KPNA1: variants seen among roughly 807,000 people sequenced by gnomAD.
KPNA1 encodes importin subunit alpha-5.
In KPNA1, 10 loss-of-function variants were observed where a neutral mutation model predicts 70.5. The ratio of observed to expected loss-of-function variants is 0.14; its 90% CI spans 0.09 to 0.24. KPNA1 has a LOEUF of 0.24. KPNA1 is among the 10% of genes least tolerant of loss of function. The probability of loss-of-function intolerance (pLI) is 1.00; values close to 1 mark genes in which losing one functional copy is unlikely to be tolerated. For synonymous variants in KPNA1, 192 were observed against 221.9 expected (o/e 0.87, Z 1.20); for missense variants, 397 against 637.9 (o/e 0.62, Z 4.07).
At position 122,493,476 on chromosome 3, in the gene KPNA1, T is replaced by C. The variant is rs561556648; in HGVS notation, c.129+2961A>G. Among the ~76,000 whole-genome samples, 27 of 152,120 alleles carry C rather than the reference T, an allele frequency of 1.8e-4. No individual in the cohort carries two copies. In the South Asian group the frequency reaches 4.8e-3, roughly 27 times the overall value. On this transcript the variant is annotated intron_variant, in intron 2 of 13. Transcript: ENST00000344337. ...AAACCTAAGAGCCTATGGAGGGATA[T>C]ACTGTTGAGAAGCAAGCCCACAAAC...
At chr3:122,508,784 T>C (rs2076919646) in intron 1 of KPNA1, among the ~76,000 whole-genome samples, 1 of 152,136 alleles carries the variant, frequency 6.6e-6, no homozygotes, top group Non-Finnish European at 1.5e-5. Context: ...TCCAATTCAG[T>C]TTTTGGCACT....
intron 2 of KPNA1, among the ~76,000 whole-genome samples, chr3:122,489,382 T>TGGGCTCAAGCCATCCTCCC (rs1398613140): frequency 2.4e-4 from 37 of 152,052 alleles, no homozygotes; most frequent in African/African-American, 8.7e-4. Flanking sequence ...CTCAAACTCC[T>TGGGCTCAAGCCATCCTCCC]GGGCTCAAGC....
intron 2 of KPNA1, among the ~76,000 whole-genome samples, chr3:122,492,071 A>G (rs1223083180): frequency 6.6e-6 from 1 of 151,736 alleles, no homozygotes; most frequent in Non-Finnish European, 1.5e-5. Flanking sequence ...CGTGTTAGCC[A>G]GGATGGTCTC....
intron 12 of KPNA1, among the ~76,000 whole-genome samples, chr3:122,429,083 T>G (rs2107714022): frequency 6.6e-6 from 1 of 152,278 alleles, no homozygotes; most frequent in South Asian, 2.1e-4. Flanking sequence ...AATGAATCAA[T>G]GTAATCAACT....
At chr3:122,483,334 A>G (rs10049133) in intron 2 of KPNA1, 78,684 of 154,008 alleles carry the variant, frequency 0.51, 20,576 homozygotes, top group East Asian at 0.65. Flanking sequence ...TGGTTTTTTC[A>G]TTGTTGTTGT....
At chr3:122,491,424 T>C (rs1576337827) in intron 2 of KPNA1, among the ~76,000 whole-genome samples, 1 of 152,218 alleles carries the variant, frequency 6.6e-6, no homozygotes, top group East Asian at 1.9e-4. Context: ...ACAACCACTT[T>C]CAAGATATGT....
At chr3:122,491,850 ATTTTTTTTT>A (rs67916227) in intron 2 of KPNA1, among the ~76,000 whole-genome samples, 7 of 64,826 alleles carry the variant, frequency 1.1e-4, no homozygotes, top group Admixed American at 2.7e-4. Flanking sequence ...TGACCATCAC[ATTTTTTTTT>A]TTTTTTTTTT....
intron 1 of KPNA1, among the ~76,000 whole-genome samples, chr3:122,501,253 T>G (rs751146537): frequency 9.2e-5 from 14 of 152,088 alleles, no homozygotes; most frequent in African/African-American, 2.9e-4. Context: ...GGTCAACTCC[T>G]GACCTCAAGT....
At position 122,453,884 on chromosome 3, in the gene KPNA1, C is replaced by G. The variant is rs1417215460; in HGVS notation, c.550G>C (p.Asp184His). 1 of 1,605,344 alleles carries G rather than the reference C, an allele frequency of 6.2e-7. No homozygotes were observed. Among genetic ancestry groups the G allele is most frequent in the South Asian group, 1.1e-5 (1 of 89,174 alleles). Residue 184 changes from aspartate to histidine, a missense_variant, in exon 6 of 14, where the codon GAT becomes CAT. Physicochemically the swap from Asp to His is moderately conservative, Grantham distance 81. Transcript: ENST00000344337. ...TTCATTTTTACCTGTTCCTGGACATCTTCAAACTCTGAGCTGAGCAACTCT... is the reference window on the plus strand; with the variant it reads ...TTCATTTTTACCTGTTCCTGGACATGTTCAAACTCTGAGCTGAGCAACTCT... ...FIELLSSEFE[D>H]VQEQAVWALG...
At chr3:122,467,578 A>G in intron 2 of KPNA1, 149 bp from the exon 3 acceptor site, 1 of 513,418 alleles carries the variant, frequency 1.9e-6, no homozygotes. Flanking sequence ...ATGAGTAACC[A>G]TTTCAGATTT....
intron 2 of KPNA1, among the ~76,000 whole-genome samples, chr3:122,491,026 C>T (rs181829888): frequency 2.9e-4 from 44 of 152,266 alleles, no homozygotes; most frequent in Middle Eastern, 3.4e-3. Context: ...TATAAACTAG[C>T]AGAGGAAATT....
At chr3:122,509,808 TTC>T (rs1358789533) in intron 1 of KPNA1, among the ~76,000 whole-genome samples, 2 of 152,178 alleles carry the variant, frequency 1.3e-5, no homozygotes, top group Non-Finnish European at 1.5e-5. Context: ...CATTCTAAAA[TTC>T]TTTTTGCCTA....
At chr3:122,504,237 C>A (rs1374444055) in intron 1 of KPNA1, among the ~76,000 whole-genome samples, 1 of 152,164 alleles carries the variant, frequency 6.6e-6, no homozygotes, top group African/African-American at 2.4e-5. Context: ...GCTGGAAAGT[C>A]CAAATCAAGA....
At chr3:122,466,143 C>T (rs2076377741) in intron 3 of KPNA1, among the ~76,000 whole-genome samples, 1 of 151,898 alleles carries the variant, frequency 6.6e-6, no homozygotes, top group South Asian at 2.1e-4. Context: ...ATAATACTAC[C>T]CTCCCAACTC....
chr3:122,494,623 T>C (rs1365808752), intron 2 of KPNA1, among the ~76,000 whole-genome samples: 1 of 152,212 alleles, frequency 6.6e-6, no homozygotes, highest in Non-Finnish European at 1.5e-5. Context: ...GGCTCTTTTT[T>C]GGTTCTGTAT....
intron 6 of KPNA1, among the ~76,000 whole-genome samples, chr3:122,452,500 C>CGGAAGGAGGGAAGGAGGGAAGGAG (rs1165575071): frequency 1.2e-5 from 1 of 86,258 alleles, no homozygotes; most frequent in African/African-American, 4.9e-5. Context: ...CAGGGACAGA[C>CGGAAGGAGGGAAGGAGGGAAGGAG]GGAAGGAGGG....
chr3:122,466,818 C>A (rs888088216), intron 3 of KPNA1, among the ~76,000 whole-genome samples: 5 of 151,950 alleles, frequency 3.3e-5, no homozygotes, highest in Non-Finnish European at 7.4e-5. Flanking sequence ...CTGGGCAACA[C>A]AGTGAGATCC....
intron 1 of KPNA1, among the ~76,000 whole-genome samples, chr3:122,509,203 G>A (rs2076926246): frequency 5.3e-5 from 8 of 150,948 alleles, no homozygotes; most frequent in Admixed American, 2.6e-4. Flanking sequence ...CCAAGATCAT[G>A]CCACTGCACT....
chr3:122,427,280 A>G, intron 13 of KPNA1, 108 bp from the exon 14 acceptor site: 3 of 849,804 alleles, frequency 3.5e-6, no homozygotes, highest in Non-Finnish European at 5.4e-6. Context: ...TCTGTTCTTG[A>G]TGTAAAGAAA....
Sources: allele counts gnomAD v4.1 joint callset (sites outside exome capture counted in the v4.1 genomes callset), GRCh38; gene constraint gnomAD v4.1.1; transcripts MANE v1.5; gene names NCBI Gene and HGNC (gene_info 2026-07-23, HGNC 2026-07-21).